The following RNF169 variants were observed in gnomAD, a reference collection of about 807,000 sequenced individuals.
The protein encoded by RNF169 is E3 ubiquitin-protein ligase RNF169.
A neutral mutation model predicts 53.9 loss-of-function variants in RNF169; 24 were observed. The ratio of observed to expected loss-of-function variants is 0.45; its 90% CI spans 0.32 to 0.63. The LOEUF (loss-of-function observed/expected upper bound fraction) is 0.63, where lower values mean the gene tolerates loss of function less well. RNF169 is among the 20% of genes least tolerant of loss of function. The pLI is 0.04. For missense variants in RNF169, 883 were observed against 906.2 expected (o/e 0.97, Z 0.33); for synonymous variants, 396 against 363.5 (o/e 1.09, Z -1.02).
intron 4 of RNF169, among the ~76,000 whole-genome samples, chr11:74,828,850 A>G (rs1190100112): frequency 5.3e-5 from 8 of 152,172 alleles, no homozygotes; most frequent in African/African-American, 1.9e-4. Flanking sequence ...ACTCAAGATG[A>G]ATTAAAGACT....
intron 2 of RNF169, among the ~76,000 whole-genome samples, chr11:74,804,813 C>T (rs1185178922): frequency 3.3e-5 from 5 of 152,116 alleles, no homozygotes; most frequent in Non-Finnish European, 7.4e-5. Flanking sequence ...AAATGTGTAT[C>T]TAACAATGGA....
intron 4 of RNF169, among the ~76,000 whole-genome samples, chr11:74,822,023 G>T (rs1470787169): frequency 1.3e-5 from 2 of 149,986 alleles, no homozygotes; most frequent in African/African-American, 4.9e-5. Context: ...GTGTGTGTGA[G>T]TGAGTGAGAG....
At chr11:74,833,504 GGTTATGAAGAACTC>G (rs1296999349) in intron 4 of RNF169, among the ~76,000 whole-genome samples, 1 of 152,120 alleles carries the variant, frequency 6.6e-6, no homozygotes, top group Non-Finnish European at 1.5e-5. Context: ...CTTCATCCCA[GGTTATGAAGAACTC>G]TCTCCTTTAT....
chr11:74,822,383 C>T (rs767431683), intron 4 of RNF169, among the ~76,000 whole-genome samples: 12 of 152,108 alleles, frequency 7.9e-5, no homozygotes, highest in East Asian at 7.7e-4. Context: ...ATTGTGGGTG[C>T]GGGTATTTTT....
At chr11:74,775,082 G>A (rs2035313710) in intron 1 of RNF169, among the ~76,000 whole-genome samples, 1 of 152,140 alleles carries the variant, frequency 6.6e-6, no homozygotes, top group Non-Finnish European at 1.5e-5. Flanking sequence ...CCTACAGCTG[G>A]GACAAGAGCC....
Position 74,816,160 on chromosome 11 carries a change from T to G in RNF169, c.724-1436T>G, listed in dbSNP as rs76652742. Among the ~76,000 whole-genome samples, 702 of 152,338 alleles carry G rather than the reference T, an allele frequency of 4.6e-3. 7 individuals are homozygous for G. The highest frequency in any genetic ancestry group is 0.016 in the African/African-American group (679 of 41,578). On this transcript the variant is annotated intron_variant, in intron 3 of 5. Coordinates refer to ENST00000299563, the MANE Select transcript of RNF169 (RefSeq NM_001098638.2). ...AGAGAAAAACAAAGCATTTCAGGAA[T>G]GCAGGGTACTCGGAGCCATATGATG... is the stretch of plus-strand genomic sequence containing the variant.
intron 1 of RNF169, among the ~76,000 whole-genome samples, chr11:74,767,690 C>T (rs915572036): frequency 2.0e-5 from 3 of 152,150 alleles, no homozygotes; most frequent in Non-Finnish European, 2.9e-5. Flanking sequence ...CTGCCTCAGC[C>T]TCCCGAATAG....
At chr11:74,758,451 T>C (rs113061223) in intron 1 of RNF169, among the ~76,000 whole-genome samples, 18 of 151,314 alleles carry the variant, frequency 1.2e-4, no homozygotes, top group African/African-American at 2.4e-4. Flanking sequence ...CAGCTTTGTT[T>C]TTTTGGCTTA....
At chr11:74,780,344 C>G (rs2035399065) in intron 1 of RNF169, among the ~76,000 whole-genome samples, 1 of 152,186 alleles carries the variant, frequency 6.6e-6, no homozygotes, top group African/African-American at 2.4e-5. Context: ...ATCTTCAAAT[C>G]TCATCTATCC....
chr11:74,803,910 G>T (rs1218713370), intron 2 of RNF169, among the ~76,000 whole-genome samples: 1 of 152,210 alleles, frequency 6.6e-6, no homozygotes, highest in Non-Finnish European at 1.5e-5. Flanking sequence ...TGCATGAAGA[G>T]AATTTAAGAA....
intron 2 of RNF169, chr11:74,808,043 G>A (rs563976762): frequency 2.8e-4 from 42 of 152,218 alleles, no homozygotes; most frequent in African/African-American, 9.6e-4. Context: ...ACACAAGTGC[G>A]TTGTCAAAAA....
rs1232839952 is a variant in RNF169 at position 74,834,746 on chromosome 11, G to C, written c.913G>C (p.Val305Leu). 6.2e-7 allele frequency: 1 copy of C among 1,614,092 alleles called. No homozygotes were observed. Among genetic ancestry groups the C allele is most frequent in the South Asian group, 1.1e-5 (1 of 91,078 alleles). Residue 305 changes from valine (V) to leucine (L), a missense_variant, in exon 5 of 6, where the codon GTC becomes CTC. Val to Leu is a conservative substitution (Grantham distance 32). Coordinates refer to ENST00000299563, the MANE Select transcript of RNF169 (RefSeq NM_001098638.2). ...DTAQERAKSR[V>L]RAVPGNKAKV... ...AGCCCAGGAAAGAGCGAAGAGCAGA[G>C]TCAGAGCAGTTCCAGGCAACAAAGC...
chr11:74,812,523 C>G (rs2135120375), intron 3 of RNF169, among the ~76,000 whole-genome samples: 1 of 152,184 alleles, frequency 6.6e-6, no homozygotes, highest in Admixed American at 6.5e-5. Flanking sequence ...CCAGGCTGGT[C>G]TCAAACTCCT....
intron 1 of RNF169, among the ~76,000 whole-genome samples, chr11:74,763,552 G>A (rs886457650): frequency 8.5e-5 from 13 of 152,140 alleles, no homozygotes; most frequent in African/African-American, 3.1e-4. Context: ...TGTCATTGAG[G>A]TTAAAAATCT....
intron 1 of RNF169, among the ~76,000 whole-genome samples, chr11:74,763,589 C>T (rs1217588628): frequency 6.6e-6 from 1 of 152,014 alleles, no homozygotes; most frequent in Non-Finnish European, 1.5e-5. Flanking sequence ...CAATAGTTTA[C>T]ACAGATGAAG....
intron 4 of RNF169, among the ~76,000 whole-genome samples, chr11:74,825,265 C>A (rs1160522216): frequency 1.3e-5 from 2 of 151,984 alleles, no homozygotes; most frequent in East Asian, 3.9e-4. Context: ...TTTTTGACCA[C>A]AATGGAATGA....
At chr11:74,782,925 T>A (rs77513556) in intron 1 of RNF169, among the ~76,000 whole-genome samples, 12 of 150,552 alleles carry the variant, frequency 8.0e-5, no homozygotes, top group Non-Finnish European at 1.6e-4. Flanking sequence ...TTTTTTTTTT[T>A]AATTTGTTCA....
At position 74,748,947 on chromosome 11, in the gene RNF169, G is replaced by C. The variant is rs2034837055; in HGVS notation, c.67G>C (p.Gly23Arg). 6.8e-7 allele frequency: 1 copy of C among 1,460,612 alleles called. No individual in the cohort carries two copies. The allele number at this position is 1,460,612 out of a possible 1,614,324, so 90.5% of individuals were successfully genotyped here. ...GGCAGCAGCCGCTCTGAGTCGGCGG[G>C]GCCGGCGGGGCCGCTGTGACGAGAC... The part of the protein sequence containing the change: ...AAAAAALSRR[G>R]RRGRCDETAA... The change falls in exon 1 of 6, where the codon GGC becomes CGC. Residue 23 changes from glycine (G) to arginine (R), a missense_variant. Gly to Arg is a moderately radical substitution (Grantham distance 125). Around this residue, in one of 3 missense-constraint regions of RNF169, gnomAD observed 313 missense variants for 279.9 expected, o/e 1.12. Transcript: ENST00000299563.
rs965169563 is a variant in RNF169 at position 74,823,817 on chromosome 11, C to T, written c.842+6103C>T. On this transcript the variant is annotated intron_variant, in intron 4 of 5. Coordinates refer to ENST00000299563, the MANE Select transcript of RNF169 (RefSeq NM_001098638.2). ...GAACTCTGTCAGATCACTAACTGAC[C>T]ACTAAGCTAACAGAACAGAGAATTC... Among the ~76,000 whole-genome samples, 67 of 150,554 alleles carry T rather than the reference C, an allele frequency of 4.5e-4. 1 individual carries two copies. Among genetic ancestry groups the T allele is most frequent in the African/African-American group, 1.6e-3 (65 of 41,070 alleles).
Sources: allele counts gnomAD v4.1 joint callset (sites outside exome capture counted in the v4.1 genomes callset), GRCh38; gene constraint gnomAD v4.1.1; regional missense constraint gnomAD v4.1.1; transcripts MANE v1.5; gene names NCBI Gene and HGNC (gene_info 2026-07-23, HGNC 2026-07-21).